INSR: variants seen among roughly 807,000 people sequenced by gnomAD.
INSR encodes IR.
INSR carries 67 observed loss-of-function variants against 142.6 expected under a neutral mutation model. The observed-to-expected ratio is 0.47, with a 90% CI of 0.39 to 0.58. The LOEUF is 0.58. INSR is among the 20% of genes least tolerant of loss of function. INSR has a pLI of 0.00. For synonymous variants in INSR, 756 were observed against 743.1 expected (o/e 1.02, Z -0.28); for missense variants, 1,248 against 1,833.2 (o/e 0.68, Z 5.83).
intron 13 of INSR, among the ~76,000 whole-genome samples, chr19:7,135,881 TC>T (rs1037439743): frequency 6.7e-6 from 1 of 149,784 alleles, no homozygotes; most frequent in Non-Finnish European, 1.5e-5. Context: ...GGGAGGAGAA[TC>T]ACTTGAACCC....
At chr19:7,206,163 C>T (rs1276645814) in intron 2 of INSR, among the ~76,000 whole-genome samples, 2 of 140,206 alleles carry the variant, frequency 1.4e-5, no homozygotes, top group Non-Finnish European at 3.2e-5. Flanking sequence ...AACCAGGGGT[C>T]CCCCACCCCT....
Position 7,166,188 on chromosome 19 carries a change from C to T in INSR, c.1827G>A (p.Lys609=), listed in dbSNP as rs1383966084. Residue 609 remains lysine (K), a synonymous_variant, in exon 8 of 22, where the codon AAG becomes AAA. Coordinates refer to ENST00000302850, the MANE Select transcript of INSR (RefSeq NM_000208.4). This position sits in a 1 kb window ranked among gnomAD's most constrained non-coding sequence, Gnocchi z 4.1. ...CTGTCTGGACATAAATGATGTCACT[C>T]TTGGCCCCATAGGTCCGGCGTTCAT... The part of the protein sequence containing the change: ...FSDERRTYGA[K]SDIIYVQTDA... The T allele has an allele frequency of 6.2e-7, 1 of 1,614,140 alleles. No homozygotes were observed. Among genetic ancestry groups the T allele is most frequent in the East Asian group, 2.2e-5 (1 of 44,882 alleles).
intron 14 of INSR, 49 bp from the exon 15 acceptor site, chr19:7,129,003 A>C: frequency 6.9e-7 from 1 of 1,456,988 alleles, no homozygotes; most frequent in Non-Finnish European, 9.6e-7. Context: ...TGTTTCCAAC[A>C]AAGTTCACAT....
intron 3 of INSR, among the ~76,000 whole-genome samples, chr19:7,175,837 A>G (rs1479923385): frequency 6.6e-6 from 1 of 151,766 alleles, no homozygotes; most frequent in Non-Finnish European, 1.5e-5. Context: ...CCATCTCAAA[A>G]AAAAAAAAAG....
chr19:7,173,060 C>T (rs1974056113), intron 4 of INSR, among the ~76,000 whole-genome samples: 2 of 152,084 alleles, frequency 1.3e-5, no homozygotes, highest in South Asian at 2.1e-4. Context: ...GTGGTTACGG[C>T]AGAGACTGCC....
chr19:7,120,915 C>T (rs1014712480), intron 19 of INSR, among the ~76,000 whole-genome samples, 166 bp from the exon 20 acceptor site: 1 of 152,038 alleles, frequency 6.6e-6, no homozygotes, highest in Non-Finnish European at 1.5e-5. Flanking sequence ...TCTGAGGGTA[C>T]GCATGGGGAA....
chr19:7,229,078 T>G (rs1036294575), intron 2 of INSR, among the ~76,000 whole-genome samples: 8 of 145,336 alleles, frequency 5.5e-5, no homozygotes, highest in African/African-American at 1.8e-4. Context: ...TGAGTGGATG[T>G]ATGGATGGAT....
chr19:7,243,457 G>T (rs1033127937), intron 2 of INSR, among the ~76,000 whole-genome samples: 1 of 151,530 alleles, frequency 6.6e-6, no homozygotes, highest in Non-Finnish European at 1.5e-5. Context: ...TGTTGGCCAG[G>T]CTGGTCTCGA....
rs1972294314 is a variant in INSR, at chr19:7,115,201, T to C, written c.*1855A>G. ...AGAAAAGGAAGCAGTCAAAAAGTTG[T>C]AAGAAAATGCACTCAGGAATAACGC... On this transcript the variant is annotated 3_prime_UTR_variant, in exon 22 of 22. Coordinates refer to ENST00000302850, the MANE Select transcript of INSR (RefSeq NM_000208.4). 6.6e-6 allele frequency: 1 copy of C among 152,274 alleles called. No individual in the cohort carries two copies. Among genetic ancestry groups the C allele is most frequent in the Non-Finnish European group, 1.5e-5 (1 of 68,048 alleles). 9.4% of individuals were successfully genotyped at this position (152,274 alleles called of 1,614,324 possible). A position where few individuals can be genotyped will look rare whatever the true frequency, so the allele number is the denominator to read the frequency against.
chr19:7,237,292 G>A (rs904379109), intron 2 of INSR, among the ~76,000 whole-genome samples: 57 of 152,176 alleles, frequency 3.7e-4, no homozygotes, highest in African/African-American at 1.3e-3. Context: ...GCCAAGGCAG[G>A]TGGATCACGA....
At chr19:7,172,955 T>C (rs1388638747) in intron 4 of INSR, among the ~76,000 whole-genome samples, 2 of 152,142 alleles carry the variant, frequency 1.3e-5, no homozygotes, top group Admixed American at 1.3e-4. Context: ...GGCCAAATTC[T>C]ACCTGTTTTG....
intron 2 of INSR, among the ~76,000 whole-genome samples, chr19:7,218,370 T>A (rs1468993899): frequency 6.6e-6 from 1 of 152,018 alleles, no homozygotes; most frequent in Non-Finnish European, 1.5e-5. Flanking sequence ...GGAAATTTCA[T>A]CTAAGAGAAA....
chr19:7,194,566 G>C (rs2145020714), intron 2 of INSR, among the ~76,000 whole-genome samples: 1 of 132,830 alleles, frequency 7.5e-6, no homozygotes, highest in Admixed American at 8.3e-5. Context: ...AGGCTGGAGT[G>C]CAGTGGTGCA....
intron 9 of INSR, among the ~76,000 whole-genome samples, chr19:7,154,331 CT>C (rs1240538497): frequency 3.7e-5 from 4 of 107,158 alleles, no homozygotes; most frequent in African/African-American, 1.4e-4. Flanking sequence ...GAGATGGAGT[CT>C]CGTTCTGTTA....
At chr19:7,214,712 G>A (rs12986062) in intron 2 of INSR, among the ~76,000 whole-genome samples, 24,926 of 152,104 alleles carry the variant, frequency 0.16, 2,595 homozygotes, top group Non-Finnish European at 0.22. Flanking sequence ...ATATGATGAT[G>A]ACTTATCCCT....
In INSR at chr19:7,125,262, T is replaced by C. The variant is rs750983293; in HGVS notation, c.3258+21A>G. Reference sequence around the variant, plus strand: ...GAAGGGTCAGGAAAGCCAGCCCATGTCCCACCCCCACTGGACTCACCACGT... The same window carrying C: ...GAAGGGTCAGGAAAGCCAGCCCATGCCCCACCCCCACTGGACTCACCACGT... On this transcript the variant is annotated intron_variant, in intron 17 of 21. Coordinates refer to ENST00000302850, the MANE Select transcript of INSR (RefSeq NM_000208.4). The surrounding 1 kb of genome is among the most constrained non-coding windows in gnomAD (Gnocchi z 4.9). 9 of 1,613,702 alleles carry C rather than the reference T, an allele frequency of 5.6e-6. No homozygotes were observed. Among genetic ancestry groups the C allele is most frequent in the African/African-American group, 1.3e-5 (1 of 74,998 alleles).
At position 7,143,356 on chromosome 19, in the gene INSR, C is replaced by T. The variant is rs556644677; in HGVS notation, c.2268-266G>A. On this transcript the variant is annotated intron_variant, in intron 11 of 21. Transcript: ENST00000302850. ...AAGACCGTCAATGGTAGACACACAC[C>T]GATATTCCCCTCGACATGCTCGATT... is the stretch of plus-strand genomic sequence containing the variant. 9.2e-5 allele frequency among the ~76,000 whole-genome samples: 14 copies of T among 152,250 alleles called. No individual in the cohort carries two copies. In the South Asian group the frequency reaches 2.3e-3, roughly 25 times the overall value.
intron 1 of INSR, among the ~76,000 whole-genome samples, chr19:7,292,691 A>C (rs1275056753): frequency 6.6e-6 from 1 of 152,200 alleles, no homozygotes; most frequent in East Asian, 1.9e-4. Flanking sequence ...TTTTTAAAGC[A>C]GGGCCTCAGA....
Position 7,153,331 on chromosome 19 carries a change from CCCACGCCA to C in INSR, c.2030-412_2030-405del, listed in dbSNP as rs1568449865. Among the ~76,000 whole-genome samples the C allele has an allele frequency of 3.3e-4, 33 of 100,412 alleles. 1 individual carries two copies. Among genetic ancestry groups the C allele is most frequent in the African/African-American group, 6.5e-4 (12 of 18,460 alleles). 65.9% of individuals were successfully genotyped at this position (100,412 alleles called of 152,430 possible). ...ACAAATCACACACACACCACACACA[CCCACGCCA>C]CACACCACAGACCACACACCACACA... On this transcript the variant is annotated intron_variant, in intron 9 of 21. Coordinates refer to ENST00000302850, the MANE Select transcript of INSR (RefSeq NM_000208.4).
Sources: gnomAD v4.1 joint callset for allele counts (sites outside exome capture counted in the v4.1 genomes callset) on GRCh38, gnomAD v4.1.1 for gene constraint, Gnocchi (gnomAD v3.1) non-coding constraint, MANE v1.5 for transcripts, NCBI Gene and HGNC (gene_info 2026-07-23, HGNC 2026-07-21) for gene names.